Variants in KIAA0825 observed in about 807,000 individuals in gnomAD.
KIAA0825 encodes the protein uncharacterized protein KIAA0825.
Under a neutral mutation model 147.6 loss-of-function variants are expected in KIAA0825, and 119 were observed. The observed-to-expected ratio is 0.81, with a 90% CI of 0.69 to 0.94. The LOEUF is 0.94. Ranked by LOEUF, KIAA0825 falls within the 40% of genes least tolerant of loss-of-function variation. KIAA0825 has a pLI of 0.00. For missense variants in KIAA0825, 1,381 were observed against 1,472.7 expected (o/e 0.94, Z 1.02); for synonymous variants, 470 against 518.1 (o/e 0.91, Z 1.26).
At chr5:94,300,608 T>C (rs1778352752) in intron 20 of KIAA0825, among the ~76,000 whole-genome samples, 1 of 152,116 alleles carries the variant, frequency 6.6e-6, no homozygotes, top group South Asian at 2.1e-4. Flanking sequence ...TATTAATGTT[T>C]ATAAAAAAAC....
intron 1 of KIAA0825, among the ~76,000 whole-genome samples, chr5:94,586,654 TC>T (rs1407997586): frequency 1.3e-5 from 2 of 152,132 alleles, no homozygotes; most frequent in African/African-American, 2.4e-5. Context: ...ACTATTCCAA[TC>T]AATAGAAAAA....
At chr5:94,472,874 T>C (rs1761396939) in intron 8 of KIAA0825, among the ~76,000 whole-genome samples, 1 of 152,198 alleles carries the variant, frequency 6.6e-6, no homozygotes, top group African/African-American at 2.4e-5. Flanking sequence ...AAAGCACATA[T>C]GGAGATGTAA....
intron 20 of KIAA0825, among the ~76,000 whole-genome samples, chr5:94,289,815 A>G (rs1174847116): frequency 6.6e-6 from 1 of 151,830 alleles, no homozygotes; most frequent in East Asian, 1.9e-4. Context: ...TGAGGCAGGA[A>G]GATCACTTGA....
chr5:94,600,547 CTCTT>C (rs1786207152), intron 1 of KIAA0825, among the ~76,000 whole-genome samples: 1 of 151,928 alleles, frequency 6.6e-6, no homozygotes, highest in African/African-American at 2.4e-5. Flanking sequence ...AGGATTATGT[CTCTT>C]TCTTTCTCCA....
At chr5:94,339,722 GC>G (rs1293613412) in intron 20 of KIAA0825, among the ~76,000 whole-genome samples, 1 of 151,994 alleles carries the variant, frequency 6.6e-6, no homozygotes, top group East Asian at 1.9e-4. Context: ...AGTCAGTTTG[GC>G]CCACATTTTT....
chr5:94,423,797 T>C (rs944743988), intron 14 of KIAA0825, among the ~76,000 whole-genome samples: 4 of 152,114 alleles, frequency 2.6e-5, no homozygotes, highest in African/African-American at 9.7e-5. Context: ...AAAATGAGGA[T>C]TTAAAACTTA....
chr5:94,611,909 T>A (rs76193617), intron 1 of KIAA0825: 12,765 of 152,338 alleles, frequency 0.084, 586 homozygotes, highest in South Asian at 0.12. Flanking sequence ...TGTACCACTG[T>A]ATTCCAGGCT....
intron 20 of KIAA0825, among the ~76,000 whole-genome samples, chr5:94,206,323 T>A (rs1772195948): frequency 6.6e-6 from 1 of 152,212 alleles, no homozygotes; most frequent in Non-Finnish European, 1.5e-5. Context: ...GATTGTTTTC[T>A]AGAGGCTGTG....
intron 20 of KIAA0825, among the ~76,000 whole-genome samples, chr5:94,310,136 A>G (rs1433491371): frequency 6.6e-6 from 1 of 151,740 alleles, no homozygotes; most frequent in African/African-American, 2.4e-5. Flanking sequence ...GCATCAAGAA[A>G]AATTCATGGT....
chr5:94,520,198 A>G, intron 5 of KIAA0825, 50 bp downstream of exon 5: 1 of 1,463,328 alleles, frequency 6.8e-7, no homozygotes. Context: ...AAAATTAAAC[A>G]TATTAAAAGA....
chr5:94,344,311 G>C (rs571833737), intron 20 of KIAA0825, among the ~76,000 whole-genome samples: 3 of 151,926 alleles, frequency 2.0e-5, no homozygotes, highest in Non-Finnish European at 4.4e-5. Context: ...CAAGAATCTC[G>C]CAAACTGAGC....
At chr5:94,567,851 AC>A (rs1779016482) in intron 2 of KIAA0825, 1 of 155,020 alleles carries the variant, frequency 6.5e-6, no homozygotes, top group Non-Finnish European at 1.4e-5. Flanking sequence ...AGAAGGCCCT[AC>A]CCCCATCTCA....
At chr5:94,586,587 A>T (rs1000187591) in intron 1 of KIAA0825, among the ~76,000 whole-genome samples, 11 of 152,250 alleles carry the variant, frequency 7.2e-5, no homozygotes, top group African/African-American at 2.4e-4. Context: ...GACCAGACAG[A>T]TTCACAGCCA....
intron 20 of KIAA0825, among the ~76,000 whole-genome samples, chr5:94,212,956 G>C (rs1157313372): frequency 6.6e-6 from 1 of 152,110 alleles, no homozygotes; most frequent in Non-Finnish European, 1.5e-5. Context: ...TAATTATTAA[G>C]AATACTTATA....
intron 14 of KIAA0825, among the ~76,000 whole-genome samples, chr5:94,439,446 T>A (rs1217867116): frequency 6.6e-6 from 1 of 152,104 alleles, no homozygotes; most frequent in African/African-American, 2.4e-5. Context: ...TTAGGAGAAG[T>A]ATGGTCTTAT....
chr5:94,394,052 A>G (rs917709879), intron 17 of KIAA0825, among the ~76,000 whole-genome samples: 8 of 151,732 alleles, frequency 5.3e-5, no homozygotes, highest in Non-Finnish European at 1.5e-5. Flanking sequence ...GGGTTTCATC[A>G]TATCAGTCAG....
At chr5:94,356,882 A>G (rs1471995686) in intron 20 of KIAA0825, among the ~76,000 whole-genome samples, 1 of 151,212 alleles carries the variant, frequency 6.6e-6, no homozygotes, top group South Asian at 2.1e-4. Flanking sequence ...GCACCACCAC[A>G]CCCAGCTAAT....
chr5:94,572,153 A>C (rs187619949), intron 2 of KIAA0825, among the ~76,000 whole-genome samples: 1 of 151,830 alleles, frequency 6.6e-6, no homozygotes, highest in Admixed American at 6.6e-5. Flanking sequence ...TATTCACTCT[A>C]TGGCAAGAGT....
At chr5:94,401,208 T>C (rs927950525) in intron 16 of KIAA0825, among the ~76,000 whole-genome samples, 1 of 151,898 alleles carries the variant, frequency 6.6e-6, no homozygotes, top group South Asian at 2.1e-4. Context: ...ACAAAATATA[T>C]GGGAAGCCAC....
Sources: gnomAD v4.1 joint callset for allele counts (sites outside exome capture counted in the v4.1 genomes callset) on GRCh38, gnomAD v4.1.1 for gene constraint, MANE v1.5 for transcripts, NCBI Gene and HGNC (gene_info 2026-07-23, HGNC 2026-07-21) for gene names.